KCNN3: variants seen among roughly 807,000 people sequenced by gnomAD.
The protein encoded by KCNN3 is potassium calcium-activated channel subfamily N member 3.
KCNN3 carries 16 observed loss-of-function variants against 62.9 expected under a neutral mutation model. That is an observed-to-expected ratio of 0.25 (90% confidence interval 0.17 to 0.39). The LOEUF (loss-of-function observed/expected upper bound fraction) is 0.39, where lower values mean the gene tolerates loss of function less well. Among genes scored for constraint, KCNN3 ranks in the 10% least tolerant of loss-of-function variants. KCNN3 has a pLI of 1.00. For missense variants in KCNN3, 599 were observed against 949.4 expected (o/e 0.63, Z 4.85); for synonymous variants, 370 against 389.2 (o/e 0.95, Z 0.58).
chr1:154,725,823 G>A (rs766624453), intron 5 of KCNN3, 93 bp downstream of exon 5: 26 of 898,314 alleles, frequency 2.9e-5, no homozygotes, highest in Middle Eastern at 2.2e-4. Context: ...GATTACAGGC[G>A]TGAGCCACTG....
At chr1:154,728,553 G>A (rs1485974838) in intron 4 of KCNN3, among the ~76,000 whole-genome samples, 1 of 152,048 alleles carries the variant, frequency 6.6e-6, no homozygotes, top group Non-Finnish European at 1.5e-5. Flanking sequence ...AGACTGCTGA[G>A]CCTCTGCAGA....
intron 2 of KCNN3, among the ~76,000 whole-genome samples, chr1:154,785,572 CTTTTTT>C (rs59033291): frequency 2.8e-5 from 3 of 107,978 alleles, no homozygotes; most frequent in Non-Finnish European, 3.7e-5. Flanking sequence ...TTTTCTTTTT[CTTTTTT>C]TTTTTTTTTT....
rs1699782805 is a variant in KCNN3 at position 154,698,410 on chromosome 1, G to C, written c.*9566C>G. 1.3e-5 allele frequency: 2 copies of C among 152,288 alleles called. No homozygotes were observed. The highest frequency in any genetic ancestry group is 4.1e-4 in the South Asian group (2 of 4,826). 9.4% of individuals were successfully genotyped at this position (152,288 alleles called of 1,614,324 possible). Reference sequence around the variant, plus strand: ...ACATTTTGCAGTGTCTCTTCTGATTGACACTGTATACAGGGCATGACCTCT... The same window carrying C: ...ACATTTTGCAGTGTCTCTTCTGATTCACACTGTATACAGGGCATGACCTCT... On this transcript the variant is annotated 3_prime_UTR_variant, in exon 8 of 8. Transcript: ENST00000271915.
chr1:154,732,613 G>A (rs183194285), intron 4 of KCNN3, among the ~76,000 whole-genome samples: 1 of 152,326 alleles, frequency 6.6e-6, no homozygotes, highest in Non-Finnish European at 1.5e-5. Context: ...AAGGTCAGTG[G>A]GACCAAGGCA....
At chr1:154,748,921 T>C (rs753804254) in intron 3 of KCNN3, among the ~76,000 whole-genome samples, 2 of 152,126 alleles carry the variant, frequency 1.3e-5, no homozygotes, top group Non-Finnish European at 2.9e-5. Flanking sequence ...AAATAAAACA[T>C]CAATTGAGTG....
intron 5 of KCNN3, among the ~76,000 whole-genome samples, chr1:154,725,000 G>A (rs2101780947): frequency 6.6e-6 from 1 of 152,142 alleles, no homozygotes; most frequent in African/African-American, 2.4e-5. Context: ...GGGATTACAG[G>A]TGACTGCCAC....
intron 5 of KCNN3, among the ~76,000 whole-genome samples, chr1:154,721,282 T>G (rs566876435): frequency 6.9e-6 from 1 of 145,510 alleles, no homozygotes; most frequent in East Asian, 2.0e-4. Flanking sequence ...CCACTCTGCC[T>G]TTTTTTTCTT....
In KCNN3 at chr1:154,698,416, G is replaced by T. The variant is rs1176893199; in HGVS notation, c.*9560C>A. ...TGCAGTGTCTCTTCTGATTGACACT[G>T]TATACAGGGCATGACCTCTCTGACT... On this transcript the variant is annotated 3_prime_UTR_variant, in exon 8 of 8. Coordinates refer to ENST00000271915, the MANE Select transcript of KCNN3 (RefSeq NM_002249.6). 6.6e-6 allele frequency: 1 copy of T among 152,178 alleles called. No individual in the cohort carries two copies. Among genetic ancestry groups the T allele is most frequent in the Non-Finnish European group, 1.5e-5 (1 of 68,056 alleles). The allele number at this position is 152,178 out of a possible 1,614,324, so 9.4% of individuals were successfully genotyped here. A position where few individuals can be genotyped will look rare whatever the true frequency, so the allele number is the denominator to read the frequency against.
intron 3 of KCNN3, among the ~76,000 whole-genome samples, chr1:154,746,403 G>A (rs1700936500): frequency 6.6e-6 from 1 of 152,072 alleles, no homozygotes. Context: ...AAGCAGGGCG[G>A]GGAAAGAACT....
chr1:154,760,399 G>C (rs1194755326), intron 3 of KCNN3, among the ~76,000 whole-genome samples: 1 of 150,678 alleles, frequency 6.6e-6, no homozygotes, highest in Non-Finnish European at 1.5e-5. Flanking sequence ...TGGGACTGGA[G>C]ACTGTGAATC....
chr1:154,843,384 G>A (rs1222435535), intron 1 of KCNN3, among the ~76,000 whole-genome samples: 2 of 152,190 alleles, frequency 1.3e-5, no homozygotes, highest in South Asian at 2.1e-4. Flanking sequence ...CCACATCCCC[G>A]GGCTTCCAGG....
intron 2 of KCNN3, among the ~76,000 whole-genome samples, chr1:154,776,156 T>C (rs1374196761): frequency 6.6e-6 from 1 of 152,188 alleles, no homozygotes; most frequent in Non-Finnish European, 1.5e-5. Flanking sequence ...GTAGTGGAGC[T>C]GGAGGTGGGA....
intron 4 of KCNN3, among the ~76,000 whole-genome samples, chr1:154,732,704 G>A (rs944321533): frequency 4.6e-5 from 7 of 152,144 alleles, no homozygotes; most frequent in Non-Finnish European, 8.8e-5. Context: ...CAGTGGGGTG[G>A]GCATCAGAGC....
chr1:154,858,721 G>A (rs1156593812), intron 1 of KCNN3, among the ~76,000 whole-genome samples: 4 of 151,824 alleles, frequency 2.6e-5, no homozygotes, highest in Non-Finnish European at 5.9e-5. Flanking sequence ...GAGTAGCCTC[G>A]GACAAGTCAT....
Position 154,869,821 on chromosome 1 carries a change from T to C in KCNN3, c.144A>G (p.Pro48=). 2 of 1,562,322 alleles carry C rather than the reference T, an allele frequency of 1.3e-6. No individual in the cohort carries two copies. Among genetic ancestry groups the C allele is most frequent in the Non-Finnish European group, 1.7e-6 (2 of 1,153,408 alleles). Reference sequence around the variant, plus strand: ...GTCCCAGGGGCTGCTGGGGGGCTGCTGGTGGCGCTGGCGGTGGTGGCTGCT... The same window carrying C: ...GTCCCAGGGGCTGCTGGGGGGCTGCCGGTGGCGCTGGCGGTGGTGGCTGCT... The part of the protein sequence containing the change: ...QQQQPPPPAP[P]AAPQQPLGPS... The change falls in exon 1 of 8, where the codon CCA becomes CCG. Residue 48 remains proline (P), a synonymous_variant. Coordinates refer to ENST00000271915, the MANE Select transcript of KCNN3 (RefSeq NM_002249.6). This position sits in a 1 kb window ranked among gnomAD's most constrained non-coding sequence, Gnocchi z 6.1.
At chr1:154,721,938 A>T (rs373356490) in intron 5 of KCNN3, among the ~76,000 whole-genome samples, 1 of 151,764 alleles carries the variant, frequency 6.6e-6, no homozygotes, top group African/African-American at 2.4e-5. Flanking sequence ...GTGTGGGAAG[A>T]TCTGATTGAA....
At chr1:154,805,139 G>A (rs2101877724) in intron 2 of KCNN3, among the ~76,000 whole-genome samples, 1 of 152,326 alleles carries the variant, frequency 6.6e-6, no homozygotes, top group African/African-American at 2.4e-5. Context: ...CAGGGTTCGA[G>A]TGAGGCGGTG....
At chr1:154,751,589 G>A (rs1571238377) in intron 3 of KCNN3, among the ~76,000 whole-genome samples, 1 of 152,190 alleles carries the variant, frequency 6.6e-6, no homozygotes, top group Non-Finnish European at 1.5e-5. Flanking sequence ...TGGGGCAGGA[G>A]AGGGCGTGCC....
At chr1:154,865,694 G>T (rs1425335825) in intron 1 of KCNN3, among the ~76,000 whole-genome samples, 2 of 152,088 alleles carry the variant, frequency 1.3e-5, no homozygotes, top group Non-Finnish European at 2.9e-5. Flanking sequence ...AAAGACCCAG[G>T]CCTGCATGAC....
Sources: allele counts gnomAD v4.1 joint callset (sites outside exome capture counted in the v4.1 genomes callset), GRCh38; gene constraint gnomAD v4.1.1; non-coding constraint Gnocchi (gnomAD v3.1); transcripts MANE v1.5; gene names NCBI Gene and HGNC (gene_info 2026-07-23, HGNC 2026-07-21).